ADGRL2: variants seen among roughly 807,000 people sequenced by gnomAD.
ADGRL2 encodes the protein calcium-independent alpha-latrotoxin receptor 2.
Under a neutral mutation model 157.4 loss-of-function variants are expected in ADGRL2, and 44 were observed. The observed-to-expected ratio is 0.28, with a 90% CI of 0.22 to 0.36. The LOEUF (loss-of-function observed/expected upper bound fraction) is 0.36, where lower values mean the gene tolerates loss of function less well. Among genes scored for constraint, ADGRL2 ranks in the 10% least tolerant of loss-of-function variants. The probability of loss-of-function intolerance (pLI) is 1.00; values close to 1 mark genes in which losing one functional copy is unlikely to be tolerated. For missense variants in ADGRL2, 1,510 were observed against 1,768.9 expected (o/e 0.85, Z 2.63); for synonymous variants, 585 against 624.7 (o/e 0.94, Z 0.95).
chr1:81,345,597 C>T (rs904060994), intron 1 of ADGRL2, among the ~76,000 whole-genome samples: 13 of 152,150 alleles, frequency 8.5e-5, no homozygotes, highest in Admixed American at 7.2e-4. Context: ...ATAATTTTCA[C>T]TTTGTAAATA....
chr1:81,458,417 C>T (rs1214833121), intron 2 of ADGRL2, among the ~76,000 whole-genome samples: 2 of 152,134 alleles, frequency 1.3e-5, no homozygotes, highest in East Asian at 1.9e-4. Flanking sequence ...GAGGGAATGG[C>T]GCCCGGCACG....
intron 1 of ADGRL2, among the ~76,000 whole-genome samples, chr1:81,403,470 T>C (rs970289057): frequency 2.0e-5 from 3 of 152,080 alleles, no homozygotes; most frequent in Non-Finnish European, 4.4e-5. Context: ...TTCACAATGT[T>C]GGCCAGGCTG....
At chr1:81,560,249 A>G (rs1442858519) in intron 2 of ADGRL2, among the ~76,000 whole-genome samples, 1 of 152,210 alleles carries the variant, frequency 6.6e-6, no homozygotes, top group Non-Finnish European at 1.5e-5. Flanking sequence ...CCAAGAACAC[A>G]GACACTGGAG....
intron 1 of ADGRL2, among the ~76,000 whole-genome samples, chr1:81,327,931 TA>T (rs1661008090): frequency 1.3e-5 from 2 of 152,276 alleles, no homozygotes; most frequent in South Asian, 4.1e-4. Flanking sequence ...TAGATTTGAA[TA>T]ACCCACAGAA....
chr1:81,588,953 G>C (rs908359340), intron 3 of ADGRL2, among the ~76,000 whole-genome samples: 16 of 152,108 alleles, frequency 1.1e-4, no homozygotes, highest in African/African-American at 3.6e-4. Flanking sequence ...TGGGACTTAG[G>C]ACCTCTAGAC....
intron 1 of ADGRL2, among the ~76,000 whole-genome samples, chr1:81,406,115 G>A (rs1412333982): frequency 1.3e-5 from 2 of 152,090 alleles, no homozygotes; most frequent in Non-Finnish European, 2.9e-5. Context: ...AACAAGAGGA[G>A]GTACACTCTT....
chr1:81,511,530 A>T (rs555958761), intron 2 of ADGRL2, among the ~76,000 whole-genome samples: 1 of 152,220 alleles, frequency 6.6e-6, no homozygotes, highest in South Asian at 2.1e-4. Context: ...AGTTCTCTCA[A>T]ACTATTACTG....
rs1047996410 is a variant in ADGRL2, at chr1:81,503,176, C to T, written c.-248+58087C>T. On this transcript the variant is annotated intron_variant, in intron 2 of 24. Transcript: ENST00000370721. The stretch of plus-strand genomic sequence containing the variant: ...CAACTTTTTCAGCATGGCACGGCAG[C>T]TCCCCATGAAGATCAGGATCAACGG... 1.1e-4 allele frequency: 182 copies of T among 1,614,086 alleles called. 1 individual carries two copies. The highest frequency in any genetic ancestry group is 2.0e-4 in the South Asian group (18 of 91,086).
At chr1:81,733,155 G>A (rs61673299) in intron 1 of ADGRL2, among the ~76,000 whole-genome samples, 2,583 of 152,268 alleles carry the variant, frequency 0.017, 67 homozygotes, top group African/African-American at 0.057. Flanking sequence ...CCTTGACATT[G>A]TAAGGTCACT....
chr1:81,984,848 G>A (rs1243064935), intron 20 of ADGRL2, 137 bp downstream of exon 20: 2 of 957,940 alleles, frequency 2.1e-6, no homozygotes, highest in South Asian at 2.0e-5. Context: ...TAGTATTTTG[G>A]TTTCAATGTC....
At chr1:81,539,147 A>T (rs2079819816) in intron 2 of ADGRL2, among the ~76,000 whole-genome samples, 1 of 152,132 alleles carries the variant, frequency 6.6e-6, no homozygotes, top group African/African-American at 2.4e-5. Context: ...CCAGGTTTTT[A>T]TCAAGAAATG....
At chr1:81,813,410 A>G (rs2090071554) in intron 1 of ADGRL2, among the ~76,000 whole-genome samples, 2 of 151,750 alleles carry the variant, frequency 1.3e-5, no homozygotes, top group South Asian at 4.1e-4. Context: ...TACTAATGTG[A>G]AAAGTCACAT....
intron 3 of ADGRL2, among the ~76,000 whole-genome samples, chr1:81,606,523 A>T (rs1225682270): frequency 2.1e-5 from 3 of 145,372 alleles, no homozygotes; most frequent in Non-Finnish European, 4.5e-5. Context: ...ACACACACTC[A>T]CACTACACTT....
At chr1:81,846,392 A>G (rs1003181217) in intron 2 of ADGRL2, among the ~76,000 whole-genome samples, 5 of 100,352 alleles carry the variant, frequency 5.0e-5, no homozygotes, top group African/African-American at 1.8e-4. Context: ...CGAGAGAAGC[A>G]AAAGCATGAC....
At chr1:81,584,215 T>C (rs755318796) in intron 3 of ADGRL2, among the ~76,000 whole-genome samples, 1 of 152,158 alleles carries the variant, frequency 6.6e-6, no homozygotes, top group African/African-American at 2.4e-5. Flanking sequence ...AACGTTTTTC[T>C]TCATCTATTC....
At chr1:81,958,875 TG>T in intron 11 of ADGRL2, among the ~76,000 whole-genome samples, 1 of 152,342 alleles carries the variant, frequency 6.6e-6, no homozygotes, top group Admixed American at 6.5e-5. Flanking sequence ...TTCAGTTGAA[TG>T]GAATCATATA....
At chr1:81,722,855 G>C in intron 1 of ADGRL2, 1 of 707,060 alleles carries the variant, frequency 1.4e-6, no homozygotes, top group South Asian at 1.5e-5. Context: ...GGAAATGCCT[G>C]GTAATTTTCC....
intron 3 of ADGRL2, among the ~76,000 whole-genome samples, chr1:81,643,159 A>C (rs2082252822): frequency 6.6e-6 from 1 of 152,246 alleles, no homozygotes; most frequent in African/African-American, 2.4e-5. Flanking sequence ...CATTGATGAC[A>C]TGGTAGTCTA....
chr1:81,760,484 T>C (rs534798391), intron 1 of ADGRL2, among the ~76,000 whole-genome samples: 1,713 of 152,200 alleles, frequency 0.011, 14 homozygotes, highest in Non-Finnish European at 0.019. Context: ...AATACATTGC[T>C]TTTGGTGTCT....
Sources: allele counts gnomAD v4.1 joint callset (sites outside exome capture counted in the v4.1 genomes callset), GRCh38; gene constraint gnomAD v4.1.1; transcripts MANE v1.5; gene names NCBI Gene and HGNC (gene_info 2026-07-23, HGNC 2026-07-21).